CLSTN2: variants seen among roughly 807,000 people sequenced by gnomAD.
CLSTN2 encodes calsyntenin 2.
In CLSTN2, 48 loss-of-function variants were observed where a neutral mutation model predicts 101.2. The ratio of observed to expected loss-of-function variants is 0.47; its 90% confidence interval spans 0.38 to 0.60. The LOEUF is 0.60. Ranked by LOEUF, CLSTN2 falls within the 20% of genes least tolerant of loss-of-function variation. The pLI is 0.00. For missense variants in CLSTN2, 1,160 were observed against 1,238.2 expected (o/e 0.94, Z 0.95); for synonymous variants, 481 against 463.6 (o/e 1.04, Z -0.48).
At chr3:140,473,299 G>A (rs139396933) in intron 8 of CLSTN2, among the ~76,000 whole-genome samples, 1 of 152,248 alleles carries the variant, frequency 6.6e-6, no homozygotes, top group East Asian at 1.9e-4. Flanking sequence ...GCACCTCTGG[G>A]CTCTGTTAGG....
At chr3:140,151,020 A>G (rs894502034) in intron 1 of CLSTN2, among the ~76,000 whole-genome samples, 16 of 151,804 alleles carry the variant, frequency 1.1e-4, no homozygotes, top group Admixed American at 1.0e-3. Flanking sequence ...TTGGATTGTG[A>G]TCTTCACAAT....
At chr3:140,358,113 G>A (rs1426230258) in intron 2 of CLSTN2, among the ~76,000 whole-genome samples, 1 of 152,096 alleles carries the variant, frequency 6.6e-6, no homozygotes, top group African/African-American at 2.4e-5. Flanking sequence ...CAGGCTCTGT[G>A]TTAGAAGGTG....
chr3:140,445,560 A>G (rs561837298), intron 5 of CLSTN2, among the ~76,000 whole-genome samples: 27 of 152,264 alleles, frequency 1.8e-4, no homozygotes, highest in African/African-American at 6.5e-4. Flanking sequence ...TCCATTTTCA[A>G]TGGACAGAAA....
intron 8 of CLSTN2, among the ~76,000 whole-genome samples, chr3:140,496,333 G>A (rs1343921964): frequency 6.6e-6 from 1 of 152,164 alleles, no homozygotes; most frequent in Non-Finnish European, 1.5e-5. Context: ...AGACTTTGCT[G>A]AAGTTGCTTA....
At chr3:139,971,591 A>G (rs377602652) in intron 1 of CLSTN2, among the ~76,000 whole-genome samples, 14 of 152,324 alleles carry the variant, frequency 9.2e-5, no homozygotes, top group African/African-American at 3.4e-4. Context: ...AAGCAGGAAC[A>G]GTTGTTAAGC....
intron 8 of CLSTN2, chr3:140,507,189 C>T (rs1426963682): frequency 6.6e-6 from 1 of 152,180 alleles, no homozygotes; most frequent in Non-Finnish European, 1.5e-5. Context: ...GTAACACCTA[C>T]TCCTTTTAGC....
chr3:140,539,526 CA>C (rs1432154196), intron 9 of CLSTN2, among the ~76,000 whole-genome samples: 1 of 152,124 alleles, frequency 6.6e-6, no homozygotes, highest in East Asian at 1.9e-4. Flanking sequence ...GGTCTGAAAG[CA>C]AAAACAGTAT....
intron 8 of CLSTN2, among the ~76,000 whole-genome samples, chr3:140,500,043 G>A (rs1339616436): frequency 4.6e-5 from 7 of 151,858 alleles, no homozygotes; most frequent in Admixed American, 4.6e-4. Flanking sequence ...CTCCAGTCTG[G>A]GTGACAGAGC....
intron 2 of CLSTN2, among the ~76,000 whole-genome samples, chr3:140,392,169 CT>C (rs1425997298): frequency 4.0e-5 from 6 of 150,218 alleles, no homozygotes; most frequent in Non-Finnish European, 7.4e-5. Context: ...AGAAACATTA[CT>C]CAAATTATAC....
intron 8 of CLSTN2, among the ~76,000 whole-genome samples, chr3:140,472,558 T>A (rs902226787): frequency 6.6e-6 from 1 of 152,212 alleles, no homozygotes; most frequent in Non-Finnish European, 1.5e-5. Context: ...TGTTAAAGAC[T>A]AGCTCTTGGC....
intron 2 of CLSTN2, among the ~76,000 whole-genome samples, chr3:140,182,696 A>G: frequency 6.6e-6 from 1 of 152,122 alleles, no homozygotes; most frequent in Non-Finnish European, 1.5e-5. Flanking sequence ...TCAGCTCCAG[A>G]CCTATCTGGA....
intron 1 of CLSTN2, among the ~76,000 whole-genome samples, chr3:140,119,503 A>C (rs1338164888): frequency 3.3e-5 from 5 of 152,146 alleles, no homozygotes; most frequent in Non-Finnish European, 7.3e-5. Context: ...GGGAGGCAGC[A>C]GGGCACCTAA....
At chr3:140,469,166 G>A (rs1033247395) in intron 8 of CLSTN2, among the ~76,000 whole-genome samples, 11 of 152,144 alleles carry the variant, frequency 7.2e-5, no homozygotes, top group African/African-American at 2.7e-4. Context: ...CCTACTCAAG[G>A]TCCTAGCTCC....
intron 1 of CLSTN2, among the ~76,000 whole-genome samples, chr3:139,939,422 C>A (rs1305729952): frequency 1.3e-5 from 2 of 152,142 alleles, no homozygotes; most frequent in Non-Finnish European, 2.9e-5. Flanking sequence ...ATACCCAGTG[C>A]CCCCTATTTG....
intron 8 of CLSTN2, among the ~76,000 whole-genome samples, chr3:140,503,199 G>T (rs748108138): frequency 3.9e-5 from 6 of 152,124 alleles, no homozygotes; most frequent in Non-Finnish European, 7.3e-5. Context: ...CCCATCTCAA[G>T]ATTCTTCATT....
intron 8 of CLSTN2, among the ~76,000 whole-genome samples, chr3:140,529,651 C>T (rs1295730720): frequency 2.0e-5 from 3 of 152,148 alleles, no homozygotes; most frequent in African/African-American, 7.2e-5. Flanking sequence ...TAGGCATTTC[C>T]TTTAGCTGCT....
chr3:139,935,497 A>C lies in CLSTN2; in HGVS notation c.109+14A>C. ...TCGCGGCTAAAGGTGGGTGCTGGGG[A>C]AGTTTGCTCTTCTCCCAGGAGGGAG... On this transcript the variant is annotated intron_variant, in intron 1 of 16. Transcript: ENST00000458420. This position sits in a 1 kb window ranked among gnomAD's most constrained non-coding sequence, Gnocchi z 5.5. The C allele has an allele frequency of 1.7e-6, 2 of 1,200,696 alleles. No individual in the cohort carries two copies. Among genetic ancestry groups the C allele is most frequent in the Non-Finnish European group, 2.1e-6 (2 of 959,010 alleles). The allele number at this position is 1,200,696 out of a possible 1,614,324, so 74.4% of individuals were successfully genotyped here. A position where few individuals can be genotyped will look rare whatever the true frequency, so the allele number is the denominator to read the frequency against.
chr3:139,965,900 A>G (rs961126946), intron 1 of CLSTN2, among the ~76,000 whole-genome samples: 1 of 152,102 alleles, frequency 6.6e-6, no homozygotes, highest in South Asian at 2.1e-4. Context: ...TTCAAAATCA[A>G]CTTGCCCCGT....
At chr3:140,558,919 C>T (rs947164250) in intron 12 of CLSTN2, 62 bp downstream of exon 12, 2 of 1,321,216 alleles carry the variant, frequency 1.5e-6, no homozygotes, top group South Asian at 1.3e-5. Context: ...CATGTGAAAA[C>T]ATACTTCAGA....
Sources: gnomAD v4.1 joint callset for allele counts (sites outside exome capture counted in the v4.1 genomes callset) on GRCh38, gnomAD v4.1.1 for gene constraint, Gnocchi (gnomAD v3.1) non-coding constraint, MANE v1.5 for transcripts, NCBI Gene and HGNC (gene_info 2026-07-23, HGNC 2026-07-21) for gene names.